GRM8: variants seen among roughly 807,000 people sequenced by gnomAD.
GRM8 encodes metabotropic glutamate receptor 8.
A neutral mutation model predicts 87.2 loss-of-function variants in GRM8; 47 were observed. The observed-to-expected ratio is 0.54, with a 90% confidence interval of 0.43 to 0.69. GRM8 has a LOEUF of 0.69. GRM8 is among the 30% of genes least tolerant of loss of function. The pLI is 0.00. For synonymous variants in GRM8, 396 were observed against 404.5 expected, an observed-to-expected ratio of 0.98 and a Z score of 0.25; for missense variants, 1,019 against 1,139.2, an observed-to-expected ratio of 0.89 and a Z score of 1.52.
At chr7:126,859,402 T>G (rs929292193) in intron 6 of GRM8, among the ~76,000 whole-genome samples, 2 of 152,152 alleles carry the variant, frequency 1.3e-5, no homozygotes, top group African/African-American at 4.8e-5. Flanking sequence ...ATCAGATCTG[T>G]TGCACTTTCC....
chr7:126,635,258 G>T lies in GRM8; in HGVS notation c.1358-25760C>A, dbSNP rs1801735977. On this transcript the variant is annotated intron_variant, in intron 7 of 10. Transcript: ENST00000339582. ...CAAGAGTATAAAAAATAAACAAGTT[G>T]ACATTTCATTTTCTTCAACATGAAT... 2.0e-5 allele frequency among the ~76,000 whole-genome samples: 3 copies of T among 152,072 alleles called. No individual in the cohort carries two copies. In the South Asian group the frequency reaches 6.2e-4, roughly 32 times the overall value.
At chr7:126,500,077 CA>C (rs778875420) in intron 9 of GRM8, among the ~76,000 whole-genome samples, 18 of 151,836 alleles carry the variant, frequency 1.2e-4, no homozygotes, top group Non-Finnish European at 2.2e-4. Flanking sequence ...ATGATGAAGA[CA>C]TTTAAAGTCC....
chr7:127,090,301 C>A (rs182511346), intron 3 of GRM8, among the ~76,000 whole-genome samples: 1 of 152,326 alleles, frequency 6.6e-6, no homozygotes, highest in Non-Finnish European at 1.5e-5. Context: ...CTTGGAACTT[C>A]ATTTGGGTAC....
chr7:126,768,228 G>A (rs1009305248), intron 7 of GRM8, among the ~76,000 whole-genome samples: 2 of 151,656 alleles, frequency 1.3e-5, no homozygotes, highest in Non-Finnish European at 2.9e-5. Context: ...GTGCTTATTT[G>A]ATTAATACCT....
chr7:127,140,843 T>A (rs1269149239), intron 2 of GRM8, among the ~76,000 whole-genome samples: 1 of 152,192 alleles, frequency 6.6e-6, no homozygotes, highest in Non-Finnish European at 1.5e-5. Context: ...TGCCTTGAGC[T>A]GCAGACAAAG....
At chr7:126,612,591 C>T (rs946458166) in intron 7 of GRM8, among the ~76,000 whole-genome samples, 1 of 152,172 alleles carries the variant, frequency 6.6e-6, no homozygotes, top group Admixed American at 6.5e-5. Context: ...CTGTACCTGA[C>T]CAAACATTTA....
At chr7:127,185,247 A>G (rs1010189312) in intron 2 of GRM8, among the ~76,000 whole-genome samples, 4 of 152,110 alleles carry the variant, frequency 2.6e-5, no homozygotes, top group African/African-American at 9.6e-5. Context: ...TCGTATTAGC[A>G]AAAGAATAGA....
intron 6 of GRM8, among the ~76,000 whole-genome samples, chr7:126,827,470 G>C (rs1374411456): frequency 6.6e-6 from 1 of 152,080 alleles, no homozygotes; most frequent in Non-Finnish European, 1.5e-5. Flanking sequence ...TATTCTCTTT[G>C]AAGCAATTGT....
chr7:126,980,245 A>G (rs967499765), intron 3 of GRM8, among the ~76,000 whole-genome samples: 3 of 152,166 alleles, frequency 2.0e-5, no homozygotes, highest in East Asian at 3.9e-4. Context: ...TAAAACAGAC[A>G]TGGCACCTAC....
At chr7:127,075,928 C>A in intron 3 of GRM8, 1 of 301,346 alleles carries the variant, frequency 3.3e-6, no homozygotes, top group South Asian at 3.0e-5. Context: ...ACCTTTATAC[C>A]ACCCAAGAGC....
At chr7:126,567,250 C>T (rs1168030716) in intron 8 of GRM8, among the ~76,000 whole-genome samples, 2 of 152,032 alleles carry the variant, frequency 1.3e-5, no homozygotes, top group Non-Finnish European at 2.9e-5. Flanking sequence ...AGTTCATGTC[C>T]TTTGTAGGGA....
intron 2 of GRM8, among the ~76,000 whole-genome samples, chr7:127,115,907 A>G (rs1376015716): frequency 6.6e-6 from 1 of 152,194 alleles, no homozygotes; most frequent in African/African-American, 2.4e-5. Context: ...CCTTAAGGCC[A>G]GGAGTTTGAG....
intron 7 of GRM8, among the ~76,000 whole-genome samples, chr7:126,662,469 A>T (rs1189801934): frequency 6.6e-6 from 1 of 152,216 alleles, no homozygotes; most frequent in Non-Finnish European, 1.5e-5. Context: ...AAGAAGGCTC[A>T]AGAGGTTTAT....
At chr7:127,040,538 C>T (rs540827710) in intron 3 of GRM8, among the ~76,000 whole-genome samples, 17 of 152,098 alleles carry the variant, frequency 1.1e-4, no homozygotes, top group Admixed American at 4.6e-4. Context: ...AGCCAAACCC[C>T]ACTGACTGAA....
intron 3 of GRM8, among the ~76,000 whole-genome samples, chr7:126,993,384 A>G (rs1325197250): frequency 6.6e-6 from 1 of 152,242 alleles, no homozygotes; most frequent in Non-Finnish European, 1.5e-5. Context: ...ATGCTACGAC[A>G]TAGATGAATC....
intron 7 of GRM8, among the ~76,000 whole-genome samples, chr7:126,644,994 A>T (rs1447481001): frequency 6.6e-6 from 1 of 152,154 alleles, no homozygotes; most frequent in African/African-American, 2.4e-5. Flanking sequence ...CTTACTTCTG[A>T]CCTCTGAGGT....
chr7:126,504,135 C>T (rs553867699), intron 9 of GRM8, among the ~76,000 whole-genome samples: 2 of 152,040 alleles, frequency 1.3e-5, no homozygotes, highest in South Asian at 2.1e-4. Flanking sequence ...CTGGGTGAGA[C>T]ACTTTCAAAA....
intron 3 of GRM8, among the ~76,000 whole-genome samples, chr7:126,983,489 C>A (rs902397858): frequency 5.3e-5 from 8 of 151,964 alleles, no homozygotes; most frequent in African/African-American, 1.4e-4. Flanking sequence ...GTGGAAGTGG[C>A]ACCTCTTATT....
At chr7:126,452,994 C>A (rs369338654) in intron 9 of GRM8, among the ~76,000 whole-genome samples, 2 of 151,466 alleles carry the variant, frequency 1.3e-5, no homozygotes, top group African/African-American at 4.8e-5. Flanking sequence ...CATCTTCCTT[C>A]ATTCTCCACG....
Sources: gnomAD v4.1 joint callset for allele counts (sites outside exome capture counted in the v4.1 genomes callset) on GRCh38, gnomAD v4.1.1 for gene constraint, MANE v1.5 for transcripts, NCBI Gene and HGNC (gene_info 2026-07-23, HGNC 2026-07-21) for gene names.